TXNL4A: variants seen among roughly 807,000 people sequenced by gnomAD.
TXNL4A encodes thioredoxin-like protein 4A.
TXNL4A carries 17 observed loss-of-function variants against 14.6 expected under a neutral mutation model. The ratio of observed to expected loss-of-function variants is 1.16; its 90% CI spans 0.80 to 1.74. TXNL4A has a LOEUF of 1.74. Among genes scored for constraint, TXNL4A ranks in the 40% most tolerant of loss-of-function variants. The pLI, the probability that TXNL4A is intolerant of heterozygous loss-of-function variation, is 0.00. For synonymous variants in TXNL4A, 83 were observed against 70.6 expected (o/e 1.18, Z -0.88); for missense variants, 74 against 195.2 (o/e 0.38, Z 3.70).
At chr18:79,996,103 CAAA>C (rs60443481) in intron 1 of TXNL4A, among the ~76,000 whole-genome samples, 1,179 of 61,268 alleles carry the variant, frequency 0.019, 19 homozygotes, top group African/African-American at 0.056. Flanking sequence ...GACTCTGACT[CAAA>C]AAAAAAAAAA....
rs1171144764 is a variant in TXNL4A, at chr18:79,983,276, CAGGTTTA to C, written c.153+4957_153+4963del. Among the ~76,000 whole-genome samples, 8 of 152,366 alleles carry C rather than the reference CAGGTTTA, an allele frequency of 5.3e-5. No homozygotes were observed. The East Asian group carries it at 9.6e-4, about 18-fold the overall frequency. ...TCGGCTTCCCAAACTGCTGGAATTACAGGTTTAAGCCACGGCGCTGGCCTCAAATTGT... is the reference window on the plus strand; with the variant it reads ...TCGGCTTCCCAAACTGCTGGAATTACAGCCACGGCGCTGGCCTCAAATTGT... On this transcript the variant is annotated intron_variant, in intron 1 of 2. Coordinates refer to ENST00000269601, the MANE Select transcript of TXNL4A (RefSeq NM_006701.5).
chr18:80,028,499 C>T (rs1291403341), intron 1 of TXNL4A, among the ~76,000 whole-genome samples: 2 of 152,170 alleles, frequency 1.3e-5, no homozygotes, highest in African/African-American at 4.8e-5. Flanking sequence ...GTTCTGATGA[C>T]TGACTGACTT....
Position 79,973,564 on chromosome 18 carries a change from T to G in TXNL4A, c.*121A>C. 1 of 1,295,924 alleles carries G rather than the reference T, an allele frequency of 7.7e-7. No homozygotes were observed. Among genetic ancestry groups the G allele is most frequent in the Non-Finnish European group, 1.0e-6 (1 of 956,844 alleles). The allele number at this position is 1,295,924 out of a possible 1,614,324, so 80.3% of individuals were successfully genotyped here. Reference sequence around the variant, plus strand: ...CGGTGAGTTAAGACCATGTTATCAATTCCATCTCAGAGGTGCTCCAGCCCT... The same window carrying G: ...CGGTGAGTTAAGACCATGTTATCAAGTCCATCTCAGAGGTGCTCCAGCCCT... On this transcript the variant is annotated 3_prime_UTR_variant, in exon 3 of 3. Coordinates refer to ENST00000269601, the MANE Select transcript of TXNL4A (RefSeq NM_006701.5).
At chr18:80,020,107 G>C (rs1000691872) in intron 1 of TXNL4A, among the ~76,000 whole-genome samples, 1 of 152,204 alleles carries the variant, frequency 6.6e-6, no homozygotes, top group African/African-American at 2.4e-5. Flanking sequence ...CAGGAAATCT[G>C]ATGGCTTTAA....
At chr18:80,007,164 C>T (rs2051736945) in intron 1 of TXNL4A, among the ~76,000 whole-genome samples, 1 of 152,046 alleles carries the variant, frequency 6.6e-6, no homozygotes, top group Non-Finnish European at 1.5e-5. Context: ...AAAAGGAAAG[C>T]CTTACTGAGG....
At chr18:80,007,514 T>C (rs1330735089) in intron 1 of TXNL4A, among the ~76,000 whole-genome samples, 1 of 152,186 alleles carries the variant, frequency 6.6e-6, no homozygotes, top group African/African-American at 2.4e-5. Context: ...AGTTGATTTT[T>C]AACTACTAGG....
At chr18:79,999,012 C>G (rs3952517) in intron 1 of TXNL4A, among the ~76,000 whole-genome samples, 1 of 152,096 alleles carries the variant, frequency 6.6e-6, no homozygotes, top group Non-Finnish European at 1.5e-5. Context: ...GGTTTCCTTA[C>G]TAGAGGTAAT....
At position 79,972,370 on chromosome 18, in the gene TXNL4A, T is replaced by G. The variant is rs902435145; in HGVS notation, c.*1315A>C. 1.3e-5 allele frequency: 2 copies of G among 152,332 alleles called. No individual in the cohort carries two copies. The highest frequency in any genetic ancestry group is 3.9e-4 in the East Asian group (2 of 5,192). The allele number at this position is 152,332 out of a possible 1,614,324, so 9.4% of individuals were successfully genotyped here. A position where few individuals can be genotyped will look rare whatever the true frequency, so the allele number is the denominator to read the frequency against. The stretch of plus-strand genomic sequence containing the variant: ...CCCTTCCTCACTTTCACTTCAGAGC[T>G]CGAGTGTGCTGAGACGGGACACGAA... On this transcript the variant is annotated 3_prime_UTR_variant, in exon 3 of 3. Transcript: ENST00000269601.
At chr18:80,005,337 A>T (rs538299172) in intron 1 of TXNL4A, among the ~76,000 whole-genome samples, 2 of 152,302 alleles carry the variant, frequency 1.3e-5, no homozygotes, top group East Asian at 3.9e-4. Context: ...GGGGAGAAAA[A>T]TTGCCCCCAG....
intron 1 of TXNL4A, among the ~76,000 whole-genome samples, chr18:80,029,201 C>A (rs2051905317): frequency 6.6e-6 from 1 of 152,076 alleles, no homozygotes; most frequent in Admixed American, 6.5e-5. Context: ...CATAATCTAA[C>A]CCATTGTAAC....
intron 1 of TXNL4A, among the ~76,000 whole-genome samples, chr18:80,006,362 T>C (rs978586307): frequency 6.7e-6 from 1 of 148,700 alleles, no homozygotes; most frequent in African/African-American, 2.5e-5. Flanking sequence ...CCAGCCTGGG[T>C]GACAGAGTGA....
chr18:80,016,832 A>C (rs1197772874), intron 1 of TXNL4A, among the ~76,000 whole-genome samples: 1 of 149,490 alleles, frequency 6.7e-6, no homozygotes, highest in Non-Finnish European at 1.5e-5. Context: ...CTTAGGATTG[A>C]CTTGGCGATG....
chr18:79,977,792 T>C (rs1250052388), intron 1 of TXNL4A, 91 bp from the exon 2 acceptor site: 1 of 909,320 alleles, frequency 1.1e-6, no homozygotes, highest in Non-Finnish European at 1.7e-6. Flanking sequence ...AACCAAGAAT[T>C]TGTGTGGATC....
chr18:80,000,799 G>A (rs1365610910), intron 1 of TXNL4A, among the ~76,000 whole-genome samples: 5 of 152,054 alleles, frequency 3.3e-5, no homozygotes, highest in African/African-American at 9.7e-5. Context: ...GATTACAGGC[G>A]CCTGACTCCA....
chr18:80,008,939 G>A (rs1297123011), intron 1 of TXNL4A, among the ~76,000 whole-genome samples: 6 of 152,118 alleles, frequency 3.9e-5, no homozygotes, highest in East Asian at 3.9e-4. Flanking sequence ...CACCACGCCC[G>A]ACTAATTTTT....
chr18:79,996,953 A>C (rs2051667157), intron 1 of TXNL4A, among the ~76,000 whole-genome samples: 1 of 152,184 alleles, frequency 6.6e-6, no homozygotes, highest in Admixed American at 6.5e-5. Flanking sequence ...ACAAAGAAAA[A>C]ACAAGACCTG....
intron 1 of TXNL4A, among the ~76,000 whole-genome samples, chr18:79,999,027 G>T (rs116048925): frequency 0.015 from 2,302 of 152,248 alleles, 63 homozygotes; most frequent in African/African-American, 0.052. Context: ...GGTAATTAAA[G>T]CCGGTCCTCT....
intron 1 of TXNL4A, among the ~76,000 whole-genome samples, chr18:80,023,836 C>A: frequency 6.6e-6 from 1 of 152,228 alleles, no homozygotes; most frequent in Non-Finnish European, 1.5e-5. Flanking sequence ...GTATTCTGTG[C>A]TTCTCAATAT....
At position 79,988,345 on chromosome 18, in the gene TXNL4A, C is replaced by T. The variant is rs1397712673; in HGVS notation, c.48G>A (p.Gln16=). 1 of 1,569,080 alleles carries T rather than the reference C, an allele frequency of 6.4e-7. No homozygotes were observed. Among genetic ancestry groups the T allele is most frequent in the Admixed American group, 1.8e-5 (1 of 54,770 alleles). ...PHLHNGWQVD[Q]AILSEEDRVV... is the part of the protein sequence containing the mutation. ...CGCGGTCCTCCTCCGAGAGGATGGC[C>T]TGGTCCACCTGCCAGCCGTTGTGCA... Residue 16 remains glutamine (Q), a synonymous_variant, in exon 1 of 3, where the codon CAG becomes CAA. Transcript: ENST00000269601.
Sources: gnomAD v4.1 joint callset for allele counts (sites outside exome capture counted in the v4.1 genomes callset) on GRCh38, gnomAD v4.1.1 for gene constraint, MANE v1.5 for transcripts, NCBI Gene and HGNC (gene_info 2026-07-23, HGNC 2026-07-21) for gene names.